The following ANKS1B variants were observed in gnomAD, a reference collection of about 807,000 sequenced individuals.
ANKS1B encodes ankyrin repeat and sterile alpha motif domain-containing protein 1B.
Under a neutral mutation model 148.3 loss-of-function variants are expected in ANKS1B, and 36 were observed. The observed-to-expected ratio is 0.24, with a 90% confidence interval of 0.19 to 0.32. The LOEUF is 0.32. Ranked by LOEUF, ANKS1B falls within the 10% of genes least tolerant of loss-of-function variation. The probability of loss-of-function intolerance (pLI) is 1.00; values close to 1 mark genes in which losing one functional copy is unlikely to be tolerated. For synonymous variants in ANKS1B, 542 were observed against 560.8 expected (o/e 0.97, Z 0.47); for missense variants, 1,157 against 1,542.6 (o/e 0.75, Z 4.19).
chr12:98,908,953 G>A (rs1338691863), intron 17 of ANKS1B, among the ~76,000 whole-genome samples: 2 of 152,170 alleles, frequency 1.3e-5, no homozygotes, highest in Non-Finnish European at 2.9e-5. Context: ...GCTGACTAAC[G>A]CTTTTGTGTG....
At chr12:99,192,252 A>T (rs1022710394) in intron 14 of ANKS1B, among the ~76,000 whole-genome samples, 4 of 152,144 alleles carry the variant, frequency 2.6e-5, no homozygotes, top group African/African-American at 9.7e-5. Flanking sequence ...TATTGTTAAA[A>T]ATGATTTGAA....
At chr12:99,805,285 A>AAAAAAAAAAAAAAC (rs1360182682) in intron 4 of ANKS1B, among the ~76,000 whole-genome samples, 2 of 149,198 alleles carry the variant, frequency 1.3e-5, no homozygotes, top group Non-Finnish European at 3.0e-5. Flanking sequence ...AAAAAAAAAA[A>AAAAAAAAAAAAAAC]AAAGACTAAC....
chr12:98,883,098 C>T (rs2099717645), intron 17 of ANKS1B, among the ~76,000 whole-genome samples: 1 of 152,106 alleles, frequency 6.6e-6, no homozygotes, highest in Admixed American at 6.5e-5. Flanking sequence ...TGTTTAAATA[C>T]AATAAAACTG....
chr12:99,402,089 C>T (rs182981557), intron 11 of ANKS1B, among the ~76,000 whole-genome samples: 1 of 146,356 alleles, frequency 6.8e-6, no homozygotes, highest in East Asian at 1.9e-4. Context: ...GGAATTGTTT[C>T]ACACCTCAAT....
intron 9 of ANKS1B, among the ~76,000 whole-genome samples, chr12:99,592,387 G>A (rs1179711983): frequency 1.3e-5 from 2 of 151,384 alleles, no homozygotes; most frequent in African/African-American, 4.9e-5. Flanking sequence ...TGACCATTAG[G>A]TCACTATTGG....
chr12:99,328,926 A>G (rs918942602), intron 12 of ANKS1B, among the ~76,000 whole-genome samples: 4 of 151,998 alleles, frequency 2.6e-5, no homozygotes, highest in Admixed American at 1.3e-4. Flanking sequence ...CTGGAGATAA[A>G]AATTCAGTCT....
intron 17 of ANKS1B, among the ~76,000 whole-genome samples, chr12:98,860,069 G>A (rs1428652708): frequency 6.6e-6 from 1 of 152,186 alleles, no homozygotes; most frequent in Non-Finnish European, 1.5e-5. Flanking sequence ...GGCTACTCAC[G>A]TTTTCTCTCG....
At chr12:99,452,690 A>T (rs7309052) in intron 10 of ANKS1B, among the ~76,000 whole-genome samples, 53,257 of 152,118 alleles carry the variant, frequency 0.35, 10,646 homozygotes, top group African/African-American at 0.56. Flanking sequence ...CTTGAGGAAG[A>T]TAATATTTAA....
chr12:99,438,666 T>C (rs1344264346), intron 11 of ANKS1B, among the ~76,000 whole-genome samples: 1 of 151,904 alleles, frequency 6.6e-6, no homozygotes, highest in Non-Finnish European at 1.5e-5. Context: ...TAAAACATTA[T>C]AGCCAAGTGT....
intron 1 of ANKS1B, among the ~76,000 whole-genome samples, chr12:99,826,084 GAC>G (rs1456164520): frequency 3.3e-5 from 5 of 151,996 alleles, no homozygotes; most frequent in Admixed American, 2.0e-4. Context: ...GGCACTGAAA[GAC>G]ACTTTTCCAA....
intron 1 of ANKS1B, among the ~76,000 whole-genome samples, chr12:99,908,239 T>C (rs1281433652): frequency 6.6e-6 from 1 of 152,100 alleles, no homozygotes; most frequent in Non-Finnish European, 1.5e-5. Flanking sequence ...TCTACTAATA[T>C]AAGGACAAAA....
At chr12:99,000,125 A>G (rs1006639056) in intron 17 of ANKS1B, among the ~76,000 whole-genome samples, 1 of 152,116 alleles carries the variant, frequency 6.6e-6, no homozygotes. Context: ...TAAGGAAAAA[A>G]TAGAAAAGGC....
chr12:99,900,213 A>G (rs1477532193), intron 1 of ANKS1B, among the ~76,000 whole-genome samples: 1 of 151,550 alleles, frequency 6.6e-6, no homozygotes, highest in Non-Finnish European at 1.5e-5. Context: ...AGTGATCTAA[A>G]AATCTTCTAT....
At chr12:98,757,490 G>C (rs1392171970) in intron 25 of ANKS1B, among the ~76,000 whole-genome samples, 1 of 152,208 alleles carries the variant, frequency 6.6e-6, no homozygotes, top group Non-Finnish European at 1.5e-5. Context: ...ACAGGAAGAT[G>C]ACCCATGAGC....
At chr12:99,873,850 TC>T (rs1457874869) in intron 1 of ANKS1B, among the ~76,000 whole-genome samples, 1 of 151,970 alleles carries the variant, frequency 6.6e-6, no homozygotes, top group Non-Finnish European at 1.5e-5. Context: ...CAGTCTGACC[TC>T]CCTAAAGGAA....
Position 98,745,115 on chromosome 12 carries a change from C to CCAAT in ANKS1B, c.*620_*623dup, listed in dbSNP as rs2097852168. ...CTTTGAATCATTCTTTCCTTTTGAACCAATCATTTGGTTGAAAGGTTTTCT... is the reference window on the plus strand; with the variant it reads ...CTTTGAATCATTCTTTCCTTTTGAACCAATCAATCATTTGGTTGAAAGGTTTTCT... On this transcript the variant is annotated 3_prime_UTR_variant, in exon 27 of 27. Coordinates refer to ENST00000683438, the MANE Select transcript of ANKS1B (RefSeq NM_001352186.2). 4 of 985,698 alleles carry CCAAT rather than the reference C, an allele frequency of 4.1e-6. No homozygotes were observed. Among genetic ancestry groups the CCAAT allele is most frequent in the Middle Eastern group, 5.2e-4 (1 of 1,936 alleles). The allele number at this position is 985,698 out of a possible 1,614,324, so 61.1% of individuals were successfully genotyped here.
At chr12:99,961,872 C>T (rs553717496) in intron 1 of ANKS1B, among the ~76,000 whole-genome samples, 1 of 152,290 alleles carries the variant, frequency 6.6e-6, no homozygotes, top group East Asian at 1.9e-4. Flanking sequence ...CGAAGCATTT[C>T]TATGGACACC....
At chr12:99,859,618 T>C (rs1480123989) in intron 1 of ANKS1B, among the ~76,000 whole-genome samples, 1 of 152,100 alleles carries the variant, frequency 6.6e-6, no homozygotes, top group Non-Finnish European at 1.5e-5. Flanking sequence ...GAGCAAAGCA[T>C]ATAAAAACTG....
chr12:98,911,886 C>T (rs534158686), intron 17 of ANKS1B, among the ~76,000 whole-genome samples: 30 of 152,278 alleles, frequency 2.0e-4, no homozygotes, highest in African/African-American at 7.2e-4. Context: ...AATCTAGTCT[C>T]TCCTCAATCA....
Sources: allele counts gnomAD v4.1 joint callset (sites outside exome capture counted in the v4.1 genomes callset), GRCh38; gene constraint gnomAD v4.1.1; transcripts MANE v1.5; gene names NCBI Gene and HGNC (gene_info 2026-07-23, HGNC 2026-07-21).